The following MAPKAP1 variants were observed in gnomAD, a reference collection of about 807,000 sequenced individuals.
MAPKAP1 encodes the protein target of rapamycin complex 2 subunit MAPKAP1.
Under a neutral mutation model 65.7 loss-of-function variants are expected in MAPKAP1, and 20 were observed. The observed-to-expected ratio is 0.30, with a 90% CI of 0.21 to 0.44. The LOEUF is 0.44. Among genes scored for constraint, MAPKAP1 ranks in the 20% least tolerant of loss-of-function variants. The pLI, the probability that MAPKAP1 is intolerant of heterozygous loss-of-function variation, is 1.00. For synonymous variants in MAPKAP1, 222 were observed against 244.3 expected, an observed-to-expected ratio of 0.91 and a Z score of 0.85; for missense variants, 423 against 648.0, an observed-to-expected ratio of 0.65 and a Z score of 3.77.
chr9:125,446,048 T>C (rs992063745), intron 10 of MAPKAP1, among the ~76,000 whole-genome samples: 5 of 152,182 alleles, frequency 3.3e-5, no homozygotes, highest in African/African-American at 4.8e-5. Flanking sequence ...TTCTCATCCG[T>C]TGTCCTTTTA....
chr9:125,506,812 T>C (rs1377144250), intron 7 of MAPKAP1, among the ~76,000 whole-genome samples: 1 of 152,196 alleles, frequency 6.6e-6, no homozygotes, highest in Non-Finnish European at 1.5e-5. Context: ...AAAATGCTTA[T>C]TAGAAATGTA....
In MAPKAP1 at chr9:125,609,336, A is replaced by G. The variant is rs565367698; in HGVS notation, c.499-23609T>C. Among the ~76,000 whole-genome samples, 46 of 152,320 alleles carry G rather than the reference A, an allele frequency of 3.0e-4. 2 individuals carry two copies. Among genetic ancestry groups the G allele is most frequent in the South Asian group, 8.3e-4 (4 of 4,822 alleles). On this transcript the variant is annotated intron_variant, in intron 4 of 11. Transcript: ENST00000265960. ...GGAACTTCCTTTGACCCAAAGGGGT[A>G]GGGATATATATGCTCAACTAAATGA... is the stretch of plus-strand genomic sequence containing the variant.
At chr9:125,638,577 C>T (rs1833489846) in intron 4 of MAPKAP1, among the ~76,000 whole-genome samples, 2 of 152,212 alleles carry the variant, frequency 1.3e-5, no homozygotes, top group African/African-American at 2.4e-5. Flanking sequence ...CTACAAGCAA[C>T]ATCCTTTCTC....
chr9:125,478,162 G>C (rs1021578779), intron 9 of MAPKAP1: 1 of 152,138 alleles, frequency 6.6e-6, no homozygotes, highest in Non-Finnish European at 1.5e-5. Flanking sequence ...GGGAGGAAGC[G>C]CAGTGGCTGA....
At chr9:125,659,354 T>C (rs114945618) in intron 3 of MAPKAP1, among the ~76,000 whole-genome samples, 1,626 of 152,278 alleles carry the variant, frequency 0.011, 42 homozygotes, top group African/African-American at 0.038. Context: ...CTGTTACCAA[T>C]AGGGTTAGGT....
chr9:125,658,593 C>G (rs1290112648), intron 3 of MAPKAP1, among the ~76,000 whole-genome samples: 2 of 152,074 alleles, frequency 1.3e-5, no homozygotes, highest in African/African-American at 4.8e-5. Flanking sequence ...CATTAGGGCA[C>G]TAATGAACAA....
At chr9:125,450,397 CT>C (rs1201131586) in intron 10 of MAPKAP1, among the ~76,000 whole-genome samples, 1 of 152,246 alleles carries the variant, frequency 6.6e-6, no homozygotes, top group Non-Finnish European at 1.5e-5. Flanking sequence ...CCATTCTCGC[CT>C]GTTTTCACAG....
chr9:125,536,275 G>T (rs919161598), intron 7 of MAPKAP1, among the ~76,000 whole-genome samples: 1 of 152,324 alleles, frequency 6.6e-6, no homozygotes, highest in East Asian at 1.9e-4. Context: ...CTCCAGACAG[G>T]GAGAGGCTCA....
rs115936856 is a variant in MAPKAP1 at position 125,497,745 on chromosome 9, A to C, written c.1066+8565T>G. 5.0e-3 allele frequency among the ~76,000 whole-genome samples: 758 copies of C among 152,382 alleles called. 5 individuals carry two copies. Among genetic ancestry groups the C allele is most frequent in the African/African-American group, 0.017 (716 of 41,594 alleles). On this transcript the variant is annotated intron_variant, in intron 8 of 11. Transcript: ENST00000265960. ...ACTGTGAATGACAGACTAGTCAGGG[A>C]TAAAACAGAAAGATGGTGTCTGACA...
chr9:125,579,628 CA>C (rs1324804438), intron 5 of MAPKAP1, among the ~76,000 whole-genome samples: 1 of 152,184 alleles, frequency 6.6e-6, no homozygotes, highest in East Asian at 1.9e-4. Flanking sequence ...TCTTGACAAC[CA>C]GGCTGCAACT....
At chr9:125,521,610 T>C in intron 7 of MAPKAP1, 1 of 1,495,904 alleles carries the variant, frequency 6.7e-7, no homozygotes. Context: ...AATTTAGCTG[T>C]GGGGAACAGA....
intron 10 of MAPKAP1, among the ~76,000 whole-genome samples, chr9:125,452,089 C>A (rs533234748): frequency 1.3e-5 from 2 of 152,112 alleles, no homozygotes; most frequent in South Asian, 4.1e-4. Context: ...GGATTACAGG[C>A]ATGAGCCACC....
At chr9:125,569,127 G>A (rs565958815) in intron 5 of MAPKAP1, among the ~76,000 whole-genome samples, 2 of 152,136 alleles carry the variant, frequency 1.3e-5, no homozygotes, top group Non-Finnish European at 2.9e-5. Context: ...TTGAATACAG[G>A]TCCCTTAAAC....
chr9:125,441,125 T>C (rs1213254940), intron 11 of MAPKAP1, among the ~76,000 whole-genome samples: 1 of 152,240 alleles, frequency 6.6e-6, no homozygotes, highest in Non-Finnish European at 1.5e-5. Context: ...GTGTTTCATT[T>C]TCAACGCATT....
intron 4 of MAPKAP1, among the ~76,000 whole-genome samples, chr9:125,598,009 C>G (rs934273832): frequency 7.3e-5 from 11 of 151,446 alleles, no homozygotes; most frequent in African/African-American, 2.7e-4. Flanking sequence ...CAAACAAAAT[C>G]TGGCCTAAAT....
intron 6 of MAPKAP1, among the ~76,000 whole-genome samples, chr9:125,544,875 G>A (rs1830376219): frequency 1.3e-5 from 2 of 152,220 alleles, no homozygotes; most frequent in South Asian, 4.1e-4. Flanking sequence ...ACCCAACTAG[G>A]TGGCTGACTC....
chr9:125,637,885 G>A (rs1833470911), intron 4 of MAPKAP1, among the ~76,000 whole-genome samples: 1 of 152,142 alleles, frequency 6.6e-6, no homozygotes, highest in Non-Finnish European at 1.5e-5. Context: ...CGATTCTACT[G>A]CCTCAGCCTC....
chr9:125,530,358 T>C (rs1272378535), intron 7 of MAPKAP1, among the ~76,000 whole-genome samples: 1 of 152,218 alleles, frequency 6.6e-6, no homozygotes, highest in African/African-American at 2.4e-5. Flanking sequence ...ATAGAATCAT[T>C]TTCATTTTCA....
intron 1 of MAPKAP1, among the ~76,000 whole-genome samples, chr9:125,674,927 A>C (rs995620595): frequency 1.3e-5 from 2 of 152,198 alleles, no homozygotes; most frequent in South Asian, 2.1e-4. Context: ...CTGGTCCCTG[A>C]AGTATTAGTG....
Sources: allele counts gnomAD v4.1 joint callset (sites outside exome capture counted in the v4.1 genomes callset), GRCh38; gene constraint gnomAD v4.1.1; transcripts MANE v1.5; gene names NCBI Gene and HGNC (gene_info 2026-07-23, HGNC 2026-07-21).